Variants in NRG1 observed in about 807,000 individuals in gnomAD.
NRG1 encodes the protein pro-neuregulin-1, membrane-bound isoform.
In NRG1, 18 loss-of-function variants were observed where a neutral mutation model predicts 63.8. The observed-to-expected ratio is 0.28, with a 90% CI of 0.19 to 0.42. The LOEUF (loss-of-function observed/expected upper bound fraction) is 0.42. Ranked by LOEUF, NRG1 falls within the 10% of genes least tolerant of loss-of-function variation. The probability of loss-of-function intolerance (pLI) is 1.00; values close to 1 mark genes in which losing one functional copy is unlikely to be tolerated. For missense variants in NRG1, 762 were observed against 814.7 expected (o/e 0.94, Z 0.79); for synonymous variants, 302 against 301.3 (o/e 1.00, Z -0.02).
chr8:32,659,204 G>A (rs1345150653), intron 5 of NRG1, among the ~76,000 whole-genome samples: 1 of 150,158 alleles, frequency 6.7e-6, no homozygotes, highest in African/African-American at 2.5e-5. Flanking sequence ...GAGTACAGTG[G>A]CGTAGCCTTG....
intron 1 of NRG1, among the ~76,000 whole-genome samples, chr8:32,280,131 G>T (rs939443012): frequency 1.3e-5 from 2 of 152,314 alleles, no homozygotes; most frequent in South Asian, 4.1e-4. Flanking sequence ...GAACAAACAA[G>T]AGCATTTGTC....
chr8:32,230,995 C>A (rs1295400447), intron 1 of NRG1, among the ~76,000 whole-genome samples: 1 of 152,074 alleles, frequency 6.6e-6, no homozygotes, highest in African/African-American at 2.4e-5. Context: ...TGCTTTTGCA[C>A]CCATTAACCA....
At chr8:32,569,191 A>G (rs1011660425) in intron 1 of NRG1, among the ~76,000 whole-genome samples, 1 of 152,168 alleles carries the variant, frequency 6.6e-6, no homozygotes, top group Non-Finnish European at 1.5e-5. Context: ...CTAAGATTAC[A>G]GGCGCACACC....
At chr8:31,930,245 A>G (rs541804334) in intron 1 of NRG1, among the ~76,000 whole-genome samples, 10 of 152,352 alleles carry the variant, frequency 6.6e-5, no homozygotes, top group East Asian at 1.9e-4. Context: ...CTAAAAGTCA[A>G]TGAAAAGTAT....
rs569469177 is a variant in NRG1 at position 32,055,132 on chromosome 8, C to T, written c.37+415701C>T. 4.0e-5 allele frequency among the ~76,000 whole-genome samples: 6 copies of T among 151,846 alleles called. No homozygotes were observed. In the East Asian group the frequency reaches 5.8e-4, roughly 15 times the overall value. On this transcript the variant is annotated intron_variant, in intron 1 of 10. Coordinates refer to the NRG1 transcript ENST00000519301. ...CTCAAACTCCTGACCTCAGGTGATC[C>T]GCCTGCCTTGGCCTCCCAAAGTGCT...
intron 1 of NRG1, among the ~76,000 whole-genome samples, chr8:32,324,188 T>TA (rs1801739010): frequency 6.6e-6 from 1 of 152,198 alleles, no homozygotes; most frequent in Non-Finnish European, 1.5e-5. Flanking sequence ...AGGCATCTCT[T>TA]ATGTCCTGCT....
Position 32,767,096 on chromosome 8 carries a change from C to T in NRG1, c.*2694C>T, listed in dbSNP as rs924200780. On this transcript the variant is annotated 3_prime_UTR_variant, in exon 12 of 12. Coordinates refer to ENST00000356819, the Ensembl canonical transcript of NRG1. ...ATAATACATGCAAATACATGCAAAACTCCTTTTGTTTCACCTAAGATTCAC... is the reference window on the plus strand; with the variant it reads ...ATAATACATGCAAATACATGCAAAATTCCTTTTGTTTCACCTAAGATTCAC... 3.3e-5 allele frequency: 5 copies of T among 152,312 alleles called. No individual in the cohort carries two copies. The East Asian group carries it at 7.7e-4, about 24-fold the overall frequency. The allele number at this position is 152,312 out of a possible 1,614,324, so 9.4% of individuals were successfully genotyped here. A position where few individuals can be genotyped will look rare whatever the true frequency, so the allele number is the denominator to read the frequency against.
intron 5 of NRG1, among the ~76,000 whole-genome samples, chr8:32,683,263 G>T (rs1212886426): frequency 6.6e-6 from 1 of 152,168 alleles, no homozygotes; most frequent in African/African-American, 2.4e-5. Context: ...TTCAGGGCTT[G>T]TGTTGATGTA....
At chr8:32,356,805 C>G (rs1806492944) in intron 1 of NRG1, among the ~76,000 whole-genome samples, 1 of 152,136 alleles carries the variant, frequency 6.6e-6, no homozygotes, top group Admixed American at 6.6e-5. Flanking sequence ...GTCTTCATTT[C>G]ATCATTGGGC....
intron 1 of NRG1, among the ~76,000 whole-genome samples, chr8:32,420,541 CT>C (rs770162839): frequency 0.014 from 2,044 of 144,030 alleles, 38 homozygotes; most frequent in African/African-American, 0.046. Context: ...CTCTCTCTCT[CT>C]TTTTTTTTTT....
At chr8:32,251,175 T>G (rs1323609584) in intron 1 of NRG1, among the ~76,000 whole-genome samples, 1 of 152,030 alleles carries the variant, frequency 6.6e-6, no homozygotes, top group Non-Finnish European at 1.5e-5. Context: ...ATCATCTACA[T>G]TAGGTATTTC....
intron 1 of NRG1, among the ~76,000 whole-genome samples, chr8:31,840,208 C>G (rs915544539): frequency 1.3e-5 from 2 of 152,076 alleles, no homozygotes; most frequent in African/African-American, 4.8e-5. Context: ...GGTCCTGTTG[C>G]AAATTCAATG....
At chr8:32,269,956 C>G (rs1851373253) in intron 1 of NRG1, among the ~76,000 whole-genome samples, 1 of 152,150 alleles carries the variant, frequency 6.6e-6, no homozygotes, top group Non-Finnish European at 1.5e-5. Context: ...TGTGCTCTGT[C>G]CCCTCATAAA....
chr8:32,129,959 C>T (rs1834589456), intron 1 of NRG1, among the ~76,000 whole-genome samples: 2 of 151,880 alleles, frequency 1.3e-5, no homozygotes, highest in Non-Finnish European at 2.9e-5. Context: ...GCTTTGCTAG[C>T]TTTTAAAACA....
intron 1 of NRG1, among the ~76,000 whole-genome samples, chr8:32,509,182 A>G (rs1178339495): frequency 6.6e-6 from 1 of 151,658 alleles, no homozygotes; most frequent in East Asian, 1.9e-4. Flanking sequence ...GACTCACTGC[A>G]GCCTCAAGCT....
At chr8:32,678,954 G>C (rs1807903201) in intron 5 of NRG1, among the ~76,000 whole-genome samples, 1 of 151,800 alleles carries the variant, frequency 6.6e-6, no homozygotes, top group Admixed American at 6.6e-5. Flanking sequence ...CAACTGCTTG[G>C]GTAGGATGTA....
At chr8:32,460,706 T>A (rs2129488916) in intron 1 of NRG1, among the ~76,000 whole-genome samples, 1 of 152,340 alleles carries the variant, frequency 6.6e-6, no homozygotes, top group Admixed American at 6.5e-5. Context: ...CTGGTTCTGC[T>A]TTCAAACAAC....
chr8:31,719,845 T>A (rs907234640), intron 1 of NRG1, among the ~76,000 whole-genome samples: 3 of 152,064 alleles, frequency 2.0e-5, no homozygotes, highest in Non-Finnish European at 4.4e-5. Flanking sequence ...ATTATGATTT[T>A]TTTTTTTAGT....
intron 1 of NRG1, among the ~76,000 whole-genome samples, chr8:32,372,862 A>G (rs1483616851): frequency 6.6e-6 from 1 of 152,194 alleles, no homozygotes; most frequent in South Asian, 2.1e-4. Context: ...TGCAGGGGCT[A>G]TAAGCAAAGA....
Sources: gnomAD v4.1 joint callset for allele counts (sites outside exome capture counted in the v4.1 genomes callset) on GRCh38, gnomAD v4.1.1 for gene constraint, MANE v1.5 for transcripts, NCBI Gene and HGNC (gene_info 2026-07-23, HGNC 2026-07-21) for gene names.